The following RAD50 variants were observed in gnomAD, a reference collection of about 807,000 sequenced individuals.
RAD50 encodes RAD50 double strand break repair protein.
Under a neutral mutation model 168.8 loss-of-function variants are expected in RAD50, and 132 were observed. The observed-to-expected ratio is 0.78, with a 90% CI of 0.68 to 0.90. RAD50 has a LOEUF of 0.90. Ranked by LOEUF, RAD50 falls within the 40% of genes least tolerant of loss-of-function variation. The pLI is 0.00. For missense variants in RAD50, 1,347 were observed against 1,534.4 expected, an observed-to-expected ratio of 0.88 and a Z score of 2.04; for synonymous variants, 525 against 497.4, an observed-to-expected ratio of 1.06 and a Z score of -0.74.
intron 21 of RAD50, among the ~76,000 whole-genome samples, chr5:132,635,414 A>G (rs1218048584): frequency 6.6e-6 from 1 of 152,206 alleles, no homozygotes; most frequent in Non-Finnish European, 1.5e-5. Context: ...TGTAAATTCC[A>G]TAGTAGACAG....
rs190192043 is a variant in RAD50, at chr5:132,621,298, A to C, written c.3389+3004A>C. Among the ~76,000 whole-genome samples, 3 of 152,206 alleles carry C rather than the reference A, an allele frequency of 2.0e-5. No homozygotes were observed. The East Asian group carries it at 5.8e-4, about 29-fold the overall frequency. On this transcript the variant is annotated intron_variant, in intron 21 of 24. Transcript: ENST00000378823. ...TTTTGGGTGATTCTGATGCACATCAAAGTTTAAAAACCATAGCTTTAATGT... is the reference window on the plus strand; with the variant it reads ...TTTTGGGTGATTCTGATGCACATCACAGTTTAAAAACCATAGCTTTAATGT...
chr5:132,631,086 A>G (rs1204545164), intron 21 of RAD50, among the ~76,000 whole-genome samples: 3 of 151,046 alleles, frequency 2.0e-5, no homozygotes, highest in African/African-American at 7.3e-5. Context: ...TAATTTATAA[A>G]TCATTATTTT....
intron 21 of RAD50, among the ~76,000 whole-genome samples, chr5:132,621,558 T>C (rs1393306581): frequency 6.6e-6 from 1 of 152,196 alleles, no homozygotes; most frequent in African/African-American, 2.4e-5. Context: ...TCTTCAATAG[T>C]TTTTTCAGTG....
chr5:132,614,429 C>T (rs185116721), intron 19 of RAD50, among the ~76,000 whole-genome samples: 3 of 151,840 alleles, frequency 2.0e-5, no homozygotes, highest in African/African-American at 7.2e-5. Flanking sequence ...CCTTTAACTG[C>T]CTATAATAAT....
At chr5:132,618,627 C>T (rs182217345) in intron 21 of RAD50, among the ~76,000 whole-genome samples, 10 of 152,324 alleles carry the variant, frequency 6.6e-5, no homozygotes, top group Middle Eastern at 3.4e-3. Context: ...ATCCACCCGC[C>T]TCGGCCTCCC....
Position 132,619,877 on chromosome 5 carries a change from T to TATATATAAAG in RAD50, c.3389+1590_3389+1591insAAGATATATA, listed in dbSNP as rs1554099990. On this transcript the variant is annotated intron_variant, in intron 21 of 24. Transcript: ENST00000378823. ...AAAGATATATATATATAAAGATATATATATATATAGAGAGAGAGAGAGAGA... is the reference window on the plus strand; with the variant it reads ...AAAGATATATATATATAAAGATATATATATATAAAGATATATATAGAGAGAGAGAGAGAGA... 1.1e-4 allele frequency among the ~76,000 whole-genome samples: 13 copies of TATATATAAAG among 116,896 alleles called. No homozygotes were observed. The East Asian group carries it at 3.3e-3, about 29-fold the overall frequency. 76.7% of individuals were successfully genotyped at this position (116,896 alleles called of 152,430 possible). A position where few individuals can be genotyped will look rare whatever the true frequency, so the allele number is the denominator to read the frequency against.
chr5:132,592,663 A>G (rs1750723873), intron 11 of RAD50: 1 of 291,870 alleles, frequency 3.4e-6, no homozygotes, highest in Non-Finnish European at 7.2e-6. Context: ...CATCCCCAAC[A>G]ACTGTTGCCA....
At chr5:132,587,860 A>G (rs1750621978) in intron 6 of RAD50, 64 bp from the exon 7 acceptor site, 4 of 1,564,368 alleles carry the variant, frequency 2.6e-6, no homozygotes, top group Non-Finnish European at 3.5e-6. Flanking sequence ...TATATTTGAT[A>G]CCTCAAAGTG....
intron 22 of RAD50, 96 bp downstream of exon 22, chr5:132,637,296 A>C: frequency 6.6e-7 from 1 of 1,513,632 alleles, no homozygotes; most frequent in Admixed American, 1.8e-5. Context: ...ACCTCCCTGG[A>C]CCCCTTTCTA....
At position 132,575,734 on chromosome 5, in the gene RAD50, C is replaced by T. The variant is rs1287730868; in HGVS notation, c.214-43C>T. The T allele has an allele frequency of 2.0e-6, 3 of 1,535,360 alleles. No homozygotes were observed. The African/African-American group carries it at 4.1e-5, about 21-fold the overall frequency. On this transcript the variant is annotated intron_variant, in intron 2 of 24. Transcript: ENST00000378823. ...CTTTTTCTCAGAACCAACACTGGTGCTTATTAAAGTAACATAAGTTTTTTC... is the reference window on the plus strand; with the variant it reads ...CTTTTTCTCAGAACCAACACTGGTGTTTATTAAAGTAACATAAGTTTTTTC...
chr5:132,592,363 G>T (rs1265599996), intron 11 of RAD50, among the ~76,000 whole-genome samples: 1 of 152,058 alleles, frequency 6.6e-6, no homozygotes, highest in African/African-American at 2.4e-5. Context: ...CATAAAAATG[G>T]GTGCCCTTTA....
chr5:132,589,922 G>A (rs1184468739), intron 9 of RAD50, 85 bp downstream of exon 9: 5 of 1,235,378 alleles, frequency 4.0e-6, no homozygotes, highest in South Asian at 2.8e-5. Context: ...TAAGATTATA[G>A]CATTTTAATA....
chr5:132,641,893 G>A (rs1401085760), intron 24 of RAD50: 1 of 417,768 alleles, frequency 2.4e-6, no homozygotes, highest in African/African-American at 2.0e-5. Flanking sequence ...ACCTGCTTTA[G>A]TGAGAACTTC....
intron 11 of RAD50, 120 bp downstream of exon 11, chr5:132,592,154 A>G (rs1750713677): frequency 9.3e-7 from 1 of 1,080,214 alleles, no homozygotes; most frequent in African/African-American, 1.6e-5. Flanking sequence ...TTTAGTTCTT[A>G]CATACAAGGA....
chr5:132,575,082 C>T (rs908884065), intron 2 of RAD50, among the ~76,000 whole-genome samples: 5 of 152,216 alleles, frequency 3.3e-5, no homozygotes, highest in African/African-American at 1.2e-4. Context: ...TTTTCAGCAG[C>T]ACTCCACTCC....
chr5:132,636,172 T>A (rs1467243693), intron 21 of RAD50, among the ~76,000 whole-genome samples: 3 of 152,200 alleles, frequency 2.0e-5, no homozygotes, highest in Non-Finnish European at 2.9e-5. Context: ...AATGTTTGCC[T>A]TTTTACCACT....
At chr5:132,565,174 C>T (rs969246544) in intron 2 of RAD50, among the ~76,000 whole-genome samples, 3 of 152,094 alleles carry the variant, frequency 2.0e-5, no homozygotes, top group Admixed American at 6.6e-5. Context: ...GCCAGCATCC[C>T]CTTTGCCTTC....
intron 13 of RAD50, 126 bp from the exon 14 acceptor site, chr5:132,603,174 C>G: frequency 1.2e-6 from 1 of 828,790 alleles, no homozygotes; most frequent in Non-Finnish European, 1.9e-6. Flanking sequence ...GATTCCATAT[C>G]CACTGATATG....
chr5:132,559,895 T>C (rs771979601), intron 2 of RAD50, among the ~76,000 whole-genome samples: 1 of 152,172 alleles, frequency 6.6e-6, no homozygotes, highest in Non-Finnish European at 1.5e-5. Flanking sequence ...CTGGACAATA[T>C]AGTGAGACCC....
Sources: gnomAD v4.1 joint callset for allele counts (sites outside exome capture counted in the v4.1 genomes callset) on GRCh38, gnomAD v4.1.1 for gene constraint, MANE v1.5 for transcripts, NCBI Gene and HGNC (gene_info 2026-07-23, HGNC 2026-07-21) for gene names.